CSMD3: variants seen among roughly 807,000 people sequenced by gnomAD.
CSMD3 encodes CUB and sushi domain-containing protein 3.
CSMD3 carries 177 observed loss-of-function variants against 435.2 expected under a neutral mutation model. That is an observed-to-expected ratio of 0.41 (90% confidence interval 0.36 to 0.46). The LOEUF is 0.46. CSMD3 is among the 20% of genes least tolerant of loss of function. The pLI, the probability that CSMD3 is intolerant of heterozygous loss-of-function variation, is 0.34. For synonymous variants in CSMD3, 1,656 were observed against 1,520.5 expected, an observed-to-expected ratio of 1.09 and a Z score of -2.07; for missense variants, 4,265 against 4,504.6, an observed-to-expected ratio of 0.95 and a Z score of 1.52.
intron 63 of CSMD3, among the ~76,000 whole-genome samples, chr8:112,249,381 C>A (rs961702504): frequency 1.3e-5 from 2 of 152,046 alleles, no homozygotes; most frequent in Non-Finnish European, 2.9e-5. Flanking sequence ...GAGTACCCCC[C>A]TCCAGAGTTT....
intron 1 of CSMD3, among the ~76,000 whole-genome samples, chr8:113,412,266 CT>C (rs2094563106): frequency 6.6e-6 from 1 of 152,094 alleles, no homozygotes; most frequent in East Asian, 1.9e-4. Flanking sequence ...ACATTACTAT[CT>C]TTTGGCAGTG....
intron 3 of CSMD3, among the ~76,000 whole-genome samples, chr8:113,221,437 A>AG (rs1388099220): frequency 1.3e-5 from 2 of 150,996 alleles, no homozygotes; most frequent in African/African-American, 4.9e-5. Flanking sequence ...TGTAGATAAT[A>AG]GGTCAATCTG....
intron 1 of CSMD3, among the ~76,000 whole-genome samples, chr8:113,321,016 T>C (rs2093945784): frequency 6.6e-6 from 1 of 151,860 alleles, no homozygotes; most frequent in Non-Finnish European, 1.5e-5. Context: ...AGTCCCCTCT[T>C]TGTTTTTCTA....
At chr8:112,563,478 A>T (rs902943658) in intron 24 of CSMD3, among the ~76,000 whole-genome samples, 2 of 151,772 alleles carry the variant, frequency 1.3e-5, no homozygotes, top group Non-Finnish European at 2.9e-5. Flanking sequence ...TTACTGACAG[A>T]CTTTCCTAAA....
intron 27 of CSMD3, among the ~76,000 whole-genome samples, chr8:112,527,346 T>C (rs774785431): frequency 7.9e-5 from 12 of 151,468 alleles, no homozygotes; most frequent in Non-Finnish European, 1.5e-4. Context: ...AGATTTCATA[T>C]CAATAAAAGG....
chr8:113,372,084 T>A (rs1055681495), intron 1 of CSMD3, among the ~76,000 whole-genome samples: 5 of 152,220 alleles, frequency 3.3e-5, no homozygotes, highest in Non-Finnish European at 2.9e-5. Flanking sequence ...AACTGTTCAC[T>A]CAGGATTTGT....
intron 3 of CSMD3, among the ~76,000 whole-genome samples, chr8:113,276,252 G>C (rs752943956): frequency 1.4e-4 from 22 of 152,090 alleles, no homozygotes; most frequent in Non-Finnish European, 2.9e-4. Flanking sequence ...AGGACTTTAT[G>C]ATGCGGAGAT....
At chr8:112,574,775 T>C (rs1269703832) in intron 23 of CSMD3, among the ~76,000 whole-genome samples, 1 of 151,962 alleles carries the variant, frequency 6.6e-6, no homozygotes, top group Non-Finnish European at 1.5e-5. Context: ...TCATGGAGTT[T>C]CATGGGCTTC....
intron 61 of CSMD3, among the ~76,000 whole-genome samples, chr8:112,261,402 G>C (rs1816385418): frequency 6.6e-6 from 1 of 151,904 alleles, no homozygotes; most frequent in Admixed American, 6.6e-5. Flanking sequence ...GCAAATCTTT[G>C]TAGGCATCAC....
At chr8:112,825,444 C>T (rs1235396119) in intron 12 of CSMD3, among the ~76,000 whole-genome samples, 1 of 151,994 alleles carries the variant, frequency 6.6e-6, no homozygotes, top group Non-Finnish European at 1.5e-5. Context: ...AATTCTTTCT[C>T]ACATTCATGA....
At chr8:113,244,769 C>A (rs998175524) in intron 3 of CSMD3, among the ~76,000 whole-genome samples, 3 of 151,808 alleles carry the variant, frequency 2.0e-5, no homozygotes, top group Non-Finnish European at 4.4e-5. Context: ...TGGTTTTTTT[C>A]TTGTGTTTTT....
At chr8:113,171,384 G>A (rs1481415202) in intron 4 of CSMD3, among the ~76,000 whole-genome samples, 1 of 152,082 alleles carries the variant, frequency 6.6e-6, no homozygotes, top group Non-Finnish European at 1.5e-5. Flanking sequence ...AAAGGCTATT[G>A]TCTGAATTGA....
At chr8:113,143,605 G>C (rs1197089017) in intron 4 of CSMD3, among the ~76,000 whole-genome samples, 4 of 151,336 alleles carry the variant, frequency 2.6e-5, no homozygotes, top group African/African-American at 4.8e-5. Flanking sequence ...GTCATCAAAT[G>C]CTAATGCCAG....
Position 112,314,032 on chromosome 8 carries a change from C to A in CSMD3, c.7570G>T (p.Val2524Leu). 6.2e-7 allele frequency: 1 copy of A among 1,609,656 alleles called. No homozygotes were observed. Residue 2524 changes from valine (V) to leucine (L), a missense_variant, in exon 49 of 71, where the codon GTG (valine) becomes TTG (leucine). By Grantham distance (32) the Val-to-Leu change is conservative. Transcript: ENST00000297405. ...TAATCCCCACTGAGGGAAATAAGCA[C>A]TGGACTTTGAATATTTGGTCCTTTG... ...VYDGPNIQSP[V>L]LISLSGDYSS...
At chr8:112,524,341 A>G (rs1470786310) in intron 27 of CSMD3, among the ~76,000 whole-genome samples, 1 of 151,916 alleles carries the variant, frequency 6.6e-6, no homozygotes, top group Non-Finnish European at 1.5e-5. Context: ...AGTAAGTAAA[A>G]AAAAAAAAGA....
At chr8:112,977,137 T>A (rs1320818547) in intron 6 of CSMD3, among the ~76,000 whole-genome samples, 1 of 152,014 alleles carries the variant, frequency 6.6e-6, no homozygotes, top group Non-Finnish European at 1.5e-5. Flanking sequence ...ATGAAAAAAG[T>A]AACTTTATAA....
At chr8:112,634,810 A>C (rs1351734498) in intron 22 of CSMD3, among the ~76,000 whole-genome samples, 3 of 151,852 alleles carry the variant, frequency 2.0e-5, no homozygotes, top group Non-Finnish European at 4.4e-5. Flanking sequence ...AGAAAATGTT[A>C]GTTCTCTATG....
intron 16 of CSMD3, among the ~76,000 whole-genome samples, chr8:112,672,273 C>A (rs1432499520): frequency 6.6e-6 from 1 of 152,068 alleles, no homozygotes; most frequent in African/African-American, 2.4e-5. Context: ...AAGTAAAAAA[C>A]ACTAATCTGT....
chr8:112,448,086 C>A (rs7824211), intron 32 of CSMD3, among the ~76,000 whole-genome samples: 1 of 151,700 alleles, frequency 6.6e-6, no homozygotes, highest in Non-Finnish European at 1.5e-5. Context: ...CAGCACCAAT[C>A]TTTCCTCACA....
Sources: gnomAD v4.1 joint callset for allele counts (sites outside exome capture counted in the v4.1 genomes callset) on GRCh38, gnomAD v4.1.1 for gene constraint, MANE v1.5 for transcripts, NCBI Gene and HGNC (gene_info 2026-07-23, HGNC 2026-07-21) for gene names.